UNC80: variants seen among roughly 807,000 people sequenced by gnomAD.
The protein encoded by UNC80 is protein unc-80 homolog.
A neutral mutation model predicts 384.6 loss-of-function variants in UNC80; 164 were observed. That is an observed-to-expected ratio of 0.43 (90% CI 0.38 to 0.49). The LOEUF (loss-of-function observed/expected upper bound fraction) is 0.49, where lower values mean the gene tolerates loss of function less well. Ranked by LOEUF, UNC80 falls within the 20% of genes least tolerant of loss-of-function variation. The pLI is 0.00. For missense variants in UNC80, 3,330 were observed against 4,143.0 expected, an observed-to-expected ratio of 0.80 and a Z score of 5.39; for synonymous variants, 1,486 against 1,527.8, an observed-to-expected ratio of 0.97 and a Z score of 0.64.
intron 61 of UNC80, among the ~76,000 whole-genome samples, chr2:209,989,129 A>G (rs1284526514): frequency 6.7e-6 from 1 of 149,102 alleles, no homozygotes. Flanking sequence ...CCTGGACAAC[A>G]TGGTGAAACC....
In UNC80 at chr2:209,818,033, T is replaced by C. The variant is rs972199297; in HGVS notation, c.1693+81T>C. 8.2e-6 allele frequency: 12 copies of C among 1,470,576 alleles called. No individual in the cohort carries two copies. In the South Asian group the frequency reaches 1.6e-4, roughly 20 times the overall value. The allele number at this position is 1,470,576 out of a possible 1,614,324, so 91.1% of individuals were successfully genotyped here. On this transcript the variant is annotated intron_variant, in intron 11 of 64. Coordinates refer to ENST00000673920, the MANE Select transcript of UNC80 (RefSeq NM_001371986.1). ...GTCCTTACACCATGTTACTTTCCCA[T>C]TGTAATCCGCTTCCTGTGTTTTCTG...
Position 209,815,268 on chromosome 2 carries a change from G to A in UNC80, c.1212G>A (p.Met404Ile), listed in dbSNP as rs2153827417. 6.4e-7 allele frequency: 1 copy of A among 1,551,604 alleles called. No homozygotes were observed. Among genetic ancestry groups the A allele is most frequent in the Non-Finnish European group, 8.7e-7 (1 of 1,146,964 alleles). Residue 404 changes from methionine (M) to isoleucine (I), a missense_variant, in exon 9 of 65, where the codon ATG becomes ATA. Transcript: ENST00000673920. The stretch of plus-strand genomic sequence containing the variant: ...CTACCTTTATTAAGGATCTCACCAT[G>A]AAGTGTAACGAGGAGGAAAAATCTC... ...VNTHKTQDLT[M>I]KCNEEEKSLS... is the part of the protein sequence containing the mutation.
intron 42 of UNC80, among the ~76,000 whole-genome samples, chr2:209,938,858 G>C (rs1200556395): frequency 6.6e-6 from 1 of 152,052 alleles, no homozygotes; most frequent in Non-Finnish European, 1.5e-5. Flanking sequence ...TTATAACATG[G>C]AGGCCTATGA....
At position 209,994,185 on chromosome 2, in the gene UNC80, CA is replaced by C; in HGVS notation, c.9630del (p.Glu3211LysfsTer14). 1.3e-6 allele frequency: 2 copies of C among 1,551,494 alleles called. No homozygotes were observed. Among genetic ancestry groups the C allele is most frequent in the Non-Finnish European group, 8.7e-7 (1 of 1,146,942 alleles). On this transcript the variant is annotated frameshift_variant, in exon 64 of 65. Coordinates refer to ENST00000673920, the MANE Select transcript of UNC80 (RefSeq NM_001371986.1). LOFTEE classifies it high-confidence loss of function. ...TGTAGCCCAGCCCCTTCTAGGAAAC[CA>C]GAAGCAATGGACGAACCAGTCCTCA... ...QGCSPAPSRKPEAMDEPVLTS... is the reference protein window; with the variant it reads ...QGCSPAPSRKXEAMDEPVLTS...
intron 47 of UNC80, among the ~76,000 whole-genome samples, chr2:209,948,924 A>G (rs906081946): frequency 2.0e-5 from 3 of 152,152 alleles, no homozygotes; most frequent in African/African-American, 7.2e-5. Context: ...AATGAATATT[A>G]CCAAATGTTC....
At chr2:209,885,564 TA>T (rs1282127940) in intron 25 of UNC80, among the ~76,000 whole-genome samples, 2 of 152,138 alleles carry the variant, frequency 1.3e-5, no homozygotes, top group African/African-American at 4.8e-5. Context: ...TAGATTAGGT[TA>T]TTTTTTTTTC....
rs1559238607 is a variant in UNC80 at position 209,872,976 on chromosome 2, CT to C, written c.3840+9del. On this transcript the variant is annotated splice_region_variant and intron_variant, in intron 23 of 64. Transcript: ENST00000673920. This position sits in a 1 kb window ranked among gnomAD's most constrained non-coding sequence, Gnocchi z 4.1. Reference sequence around the variant, plus strand: ...TCTTCTACCAATGGGGAGACGTGAGCTTTCGGTTTTCTTCTATAACAATTAG... The same window carrying C: ...TCTTCTACCAATGGGGAGACGTGAGCTTCGGTTTTCTTCTATAACAATTAG... The C allele has an allele frequency of 6.4e-7, 1 of 1,551,324 alleles. No homozygotes were observed. Among genetic ancestry groups the C allele is most frequent in the South Asian group, 1.2e-5 (1 of 84,032 alleles).
chr2:209,865,255 G>A (rs2083647007), intron 22 of UNC80, among the ~76,000 whole-genome samples: 2 of 151,552 alleles, frequency 1.3e-5, no homozygotes, highest in Non-Finnish European at 2.9e-5. Context: ...GGGAGCCTCC[G>A]AACGCTGCTG....
intron 22 of UNC80, among the ~76,000 whole-genome samples, chr2:209,870,932 G>C (rs558971724): frequency 6.6e-6 from 1 of 152,272 alleles, no homozygotes; most frequent in East Asian, 1.9e-4. Context: ...CAAGCCGTGA[G>C]ACAACATGTG....
At chr2:209,887,535 G>T (rs769810663) in intron 25 of UNC80, among the ~76,000 whole-genome samples, 8 of 152,156 alleles carry the variant, frequency 5.3e-5, no homozygotes, top group Non-Finnish European at 1.0e-4. Context: ...TGCCATGTAA[G>T]GCAACATATT....
chr2:209,923,077 C>T (rs2090160535), intron 35 of UNC80, among the ~76,000 whole-genome samples: 1 of 152,126 alleles, frequency 6.6e-6, no homozygotes, highest in Non-Finnish European at 1.5e-5. Flanking sequence ...CAAATATTTT[C>T]TCCCATTTCG....
rs577704301 is a variant in UNC80, at chr2:209,839,329, C to T, written c.3149C>T (p.Thr1050Ile). 57 of 1,551,804 alleles carry T rather than the reference C, an allele frequency of 3.7e-5. 1 individual carries two copies. The East Asian group carries it at 9.3e-4, about 25-fold the overall frequency. Residue 1050 changes from threonine to isoleucine, a missense_variant, in exon 19 of 65, where the codon ACT becomes ATT. Transcript: ENST00000673920. The surrounding 1 kb of genome is among the most constrained non-coding windows in gnomAD (Gnocchi z 4.1). ...ACCAGCAGCCAGTCTGAACAGGACA[C>T]TTCAGAATGCACGACTGCCCACTCA... is the stretch of plus-strand genomic sequence containing the variant. ...SDTSSQSEQD[T>I]SECTTAHSGT...
chr2:209,929,982 C>T lies in UNC80; in HGVS notation c.5907+11C>T. ...ATCAGCAATAGACAAGTAAATTCCT[C>T]TTCCTTTTTAGTGTAGCTCTGTGGC... On this transcript the variant is annotated intron_variant, in intron 37 of 64. Transcript: ENST00000673920. 1 of 1,519,082 alleles carries T rather than the reference C, an allele frequency of 6.6e-7. No homozygotes were observed. 94.1% of individuals were successfully genotyped at this position (1,519,082 alleles called of 1,614,324 possible).
At chr2:209,917,339 A>G (rs531950173) in intron 31 of UNC80, among the ~76,000 whole-genome samples, 19 of 152,276 alleles carry the variant, frequency 1.2e-4, no homozygotes, top group African/African-American at 2.9e-4. Flanking sequence ...GGAAGGATAT[A>G]TGTTTCTAAT....
At chr2:209,930,889 C>G in intron 37 of UNC80, 79 bp from the exon 38 acceptor site, 1 of 1,031,042 alleles carries the variant, frequency 9.7e-7, no homozygotes, top group South Asian at 1.6e-5. Flanking sequence ...TCACCCAATC[C>G]CGAATTTTCA....
intron 29 of UNC80, among the ~76,000 whole-genome samples, chr2:209,912,044 G>A (rs576392164): frequency 6.6e-6 from 1 of 152,298 alleles, no homozygotes; most frequent in South Asian, 2.1e-4. Flanking sequence ...GATGGGTCCT[G>A]TATTTGACCT....
At chr2:209,901,822 G>A (rs1401941548) in intron 28 of UNC80, among the ~76,000 whole-genome samples, 7 of 151,870 alleles carry the variant, frequency 4.6e-5, no homozygotes, top group African/African-American at 1.2e-4. Flanking sequence ...CCAGATACTC[G>A]AGAGGCCGAG....
At chr2:209,845,809 AAAC>A (rs1162731920) in intron 21 of UNC80, among the ~76,000 whole-genome samples, 1 of 152,190 alleles carries the variant, frequency 6.6e-6, no homozygotes, top group Admixed American at 6.5e-5. Flanking sequence ...TCTCCAGCTT[AAAC>A]AACATTATCT....
At chr2:209,890,209 A>G (rs569110758) in intron 26 of UNC80, among the ~76,000 whole-genome samples, 5 of 152,278 alleles carry the variant, frequency 3.3e-5, no homozygotes, top group Admixed American at 2.6e-4. Context: ...CTATGTTTCT[A>G]TGTGTGATAA....
Sources: allele counts gnomAD v4.1 joint callset (sites outside exome capture counted in the v4.1 genomes callset), GRCh38; gene constraint gnomAD v4.1.1; non-coding constraint Gnocchi (gnomAD v3.1); transcripts MANE v1.5; gene names NCBI Gene and HGNC (gene_info 2026-07-23, HGNC 2026-07-21).